PI15: variants seen among roughly 807,000 people sequenced by gnomAD.
The protein encoded by PI15 is 25 kDa trypsin inhibitor.
In PI15, 18 loss-of-function variants were observed where a neutral mutation model predicts 31.0. That is an observed-to-expected ratio of 0.58 (90% confidence interval 0.40 to 0.86). PI15 has a LOEUF of 0.86. Ranked by LOEUF, PI15 falls within the 40% of genes least tolerant of loss-of-function variation. The pLI, the probability that PI15 is intolerant of heterozygous loss-of-function variation, is 0.00. For synonymous variants in PI15, 118 were observed against 119.1 expected (o/e 0.99, Z 0.06); for missense variants, 282 against 328.1 (o/e 0.86, Z 1.09).
In PI15 at chr8:74,849,186, G is replaced by T; in HGVS notation, c.710G>T (p.Gly237Val). The T allele has an allele frequency of 1.9e-6, 3 of 1,612,338 alleles. No individual in the cohort carries two copies. The highest frequency in any genetic ancestry group is 2.5e-6 in the Non-Finnish European group (3 of 1,178,546). The stretch of plus-strand genomic sequence containing the variant: ...TGTTCATCTTGTCCTCCAAGTTATG[G>T]GGGATCTTGTACTGACAATCTGTGT... ...VPCSSCPPSY[G>V]GSCTDNLCFP... Residue 237 changes from glycine (G) to valine (V), a missense_variant, in exon 6 of 6, where the codon GGG becomes GTG. Gly to Val is a moderately radical substitution (Grantham distance 109). Transcript: ENST00000260113.
chr8:74,830,287 C>G (rs556254296), intron 2 of PI15, among the ~76,000 whole-genome samples: 4 of 149,906 alleles, frequency 2.7e-5, no homozygotes, highest in African/African-American at 9.8e-5. Flanking sequence ...CACCTTAAAA[C>G]TGAAAAAAAA....
At position 74,849,370 on chromosome 8, in the gene PI15, C is replaced by G. The variant is rs1308389505; in HGVS notation, c.*117C>G. On this transcript the variant is annotated 3_prime_UTR_variant, in exon 6 of 6. Transcript: ENST00000260113. ...TATTTTGTGCTAATCTTGTTTTCCT[C>G]TTAGTATTCCTTTGTATAAATTAGT... is the stretch of plus-strand genomic sequence containing the variant. 2 of 686,324 alleles carry G rather than the reference C, an allele frequency of 2.9e-6. No homozygotes were observed. Among genetic ancestry groups the G allele is most frequent in the African/African-American group, 1.9e-5 (1 of 53,654 alleles). 42.5% of individuals were successfully genotyped at this position (686,324 alleles called of 1,614,324 possible).
At chr8:74,845,332 C>A in intron 4 of PI15, 50 bp from the exon 5 acceptor site, 4 of 1,574,590 alleles carry the variant, frequency 2.5e-6, no homozygotes, top group Non-Finnish European at 2.6e-6. Context: ...GGTGGACATG[C>A]ATTGTCTTAG....
intron 2 of PI15, among the ~76,000 whole-genome samples, chr8:74,840,620 C>T (rs1810931335): frequency 6.6e-6 from 1 of 152,170 alleles, no homozygotes; most frequent in African/African-American, 2.4e-5. Context: ...CTTTCCCCTT[C>T]TTGAGTAGAT....
intron 5 of PI15, 58 bp downstream of exon 5, chr8:74,845,555 G>A (rs892636491): frequency 1.1e-4 from 119 of 1,045,122 alleles, no homozygotes; most frequent in Non-Finnish European, 2.0e-5. Flanking sequence ...AATATCCCTA[G>A]GCTGATAGTT....
At chr8:74,838,963 A>AT (rs1459503787) in intron 2 of PI15, among the ~76,000 whole-genome samples, 8 of 152,214 alleles carry the variant, frequency 5.3e-5, no homozygotes, top group African/African-American at 1.9e-4. Context: ...AGACAGCCTC[A>AT]TATCTGGTTT....
At chr8:74,832,024 G>A (rs76886481) in intron 2 of PI15, among the ~76,000 whole-genome samples, 2,279 of 152,186 alleles carry the variant, frequency 0.015, 46 homozygotes, top group African/African-American at 0.052. Context: ...TATAATCAAC[G>A]AAGTGAAGAA....
chr8:74,828,529 T>C (rs965341865), intron 2 of PI15, among the ~76,000 whole-genome samples: 13 of 152,152 alleles, frequency 8.5e-5, no homozygotes, highest in Non-Finnish European at 1.8e-4. Flanking sequence ...CTCTAGGCTA[T>C]ATGGAAAATG....
At position 74,849,097 on chromosome 8, in the gene PI15, CT is replaced by C. The variant is rs763335450; in HGVS notation, c.642-15del. On this transcript the variant is annotated intron_variant, in intron 5 of 5. Transcript: ENST00000260113. ...AATGGGTGGGTTGCACTAATGCTAT[CT>C]TTTTTGTTTTCCCTTCTAGGGGCAA... 1.7e-5 allele frequency: 28 copies of C among 1,606,344 alleles called. No homozygotes were observed. The South Asian group carries it at 3.0e-4, about 17-fold the overall frequency.
chr8:74,841,755 TC>T (rs1400355884), intron 2 of PI15, among the ~76,000 whole-genome samples: 1 of 152,200 alleles, frequency 6.6e-6, no homozygotes, highest in Non-Finnish European at 1.5e-5. Context: ...GAATCCATAT[TC>T]TGTTAATATT....
intron 3 of PI15, 58 bp from the exon 4 acceptor site, chr8:74,845,070 G>A (rs1811004488): frequency 7.2e-7 from 1 of 1,390,614 alleles, no homozygotes; most frequent in Non-Finnish European, 1.0e-6. Flanking sequence ...AGTGTAACAT[G>A]AGTCCCTTAT....
chr8:74,835,241 C>T (rs11787260), intron 2 of PI15, among the ~76,000 whole-genome samples: 29,602 of 152,046 alleles, frequency 0.19, 3,865 homozygotes, highest in Non-Finnish European at 0.28. Context: ...AAGTTTCATA[C>T]AATTCTCACG....
Position 74,852,033 on chromosome 8 carries a change from AT to A in PI15, c.*2785del, listed in dbSNP as rs1290081326. On this transcript the variant is annotated 3_prime_UTR_variant, in exon 6 of 6. Coordinates refer to ENST00000260113, the MANE Select transcript of PI15 (RefSeq NM_015886.5). ...TGCTGGTATCAACACAGCCTGCCATATTTTTCACAGCATGCAACAATGGTGC... is the reference window on the plus strand; with the variant it reads ...TGCTGGTATCAACACAGCCTGCCATATTTTCACAGCATGCAACAATGGTGC... 1 of 152,532 alleles carries A rather than the reference AT, an allele frequency of 6.6e-6. No homozygotes were observed. The highest frequency in any genetic ancestry group is 1.5e-5 in the Non-Finnish European group (1 of 67,966). 9.4% of individuals were successfully genotyped at this position (152,532 alleles called of 1,614,324 possible).
rs1811122748 is a variant in PI15 at position 74,852,529 on chromosome 8, C to T, written c.*3276C>T. 6.6e-6 allele frequency: 1 copy of T among 152,220 alleles called. No individual in the cohort carries two copies. Among genetic ancestry groups the T allele is most frequent in the South Asian group, 2.1e-4 (1 of 4,828 alleles). 9.4% of individuals were successfully genotyped at this position (152,220 alleles called of 1,614,324 possible). On this transcript the variant is annotated 3_prime_UTR_variant, in exon 6 of 6. Coordinates refer to ENST00000260113, the MANE Select transcript of PI15 (RefSeq NM_015886.5). Reference sequence around the variant, plus strand: ...CGCAGCAGAGTTGCCCTACAAATTTCATTTGGCAGCGCCATAACATTCATT... The same window carrying T: ...CGCAGCAGAGTTGCCCTACAAATTTTATTTGGCAGCGCCATAACATTCATT...
At chr8:74,848,866 T>A (rs1381081299) in intron 5 of PI15, among the ~76,000 whole-genome samples, 1 of 150,386 alleles carries the variant, frequency 6.6e-6, no homozygotes, top group Non-Finnish European at 1.5e-5. Context: ...CCCCAGCAGC[T>A]GGGACTAGAG....
At chr8:74,840,425 A>G (rs531486701) in intron 2 of PI15, among the ~76,000 whole-genome samples, 1 of 152,212 alleles carries the variant, frequency 6.6e-6, no homozygotes, top group Non-Finnish European at 1.5e-5. Context: ...GTCAGTTTCA[A>G]ACTTAAAAGA....
intron 2 of PI15, among the ~76,000 whole-genome samples, chr8:74,828,326 G>A (rs573170990): frequency 1.3e-5 from 2 of 152,218 alleles, no homozygotes; most frequent in East Asian, 3.9e-4. Flanking sequence ...CTGGAGGTGG[G>A]AGAATATCCA....
At position 74,845,177 on chromosome 8, in the gene PI15, G is replaced by C. The variant is rs1172467408; in HGVS notation, c.442G>C (p.Asp148His). ...LVKPWYDEVK[D>H]YAFPYPQDCN... ...CAAGCCATGGTATGATGAAGTGAAA[G>C]ATTATGCTTTTCCATATCCCCAGGA... The change falls in exon 4 of 6, where the codon GAT (aspartate) becomes CAT (histidine). Residue 148 changes from aspartate (D) to histidine (H), a missense_variant. Transcript: ENST00000260113. 6.2e-7 allele frequency: 1 copy of C among 1,612,706 alleles called. No individual in the cohort carries two copies. The highest frequency in any genetic ancestry group is 1.3e-5 in the African/African-American group (1 of 75,008).
At chr8:74,830,872 G>A (rs1175427881) in intron 2 of PI15, among the ~76,000 whole-genome samples, 1 of 152,140 alleles carries the variant, frequency 6.6e-6, no homozygotes, top group African/African-American at 2.4e-5. Flanking sequence ...GAGGGCCTCT[G>A]CCAGAAGGCA....
Sources: gnomAD v4.1 joint callset for allele counts (sites outside exome capture counted in the v4.1 genomes callset) on GRCh38, gnomAD v4.1.1 for gene constraint, MANE v1.5 for transcripts, NCBI Gene and HGNC (gene_info 2026-07-23, HGNC 2026-07-21) for gene names.